The following EPB41L3 variants were observed in gnomAD, a reference collection of about 807,000 sequenced individuals.
The protein encoded by EPB41L3 is band 4.1-like protein 3.
Under a neutral mutation model 127.1 loss-of-function variants are expected in EPB41L3, and 57 were observed. That is an observed-to-expected ratio of 0.45 (90% CI 0.36 to 0.56). EPB41L3 has a LOEUF of 0.56. Among genes scored for constraint, EPB41L3 ranks in the 20% least tolerant of loss-of-function variants. The pLI is 0.00. For synonymous variants in EPB41L3, 572 were observed against 549.5 expected, an observed-to-expected ratio of 1.04 and a Z score of -0.57; for missense variants, 1,273 against 1,372.2, an observed-to-expected ratio of 0.93 and a Z score of 1.14.
At chr18:5,501,070 C>A (rs1336058566) in intron 1 of EPB41L3, among the ~76,000 whole-genome samples, 2 of 151,816 alleles carry the variant, frequency 1.3e-5, no homozygotes, top group African/African-American at 4.8e-5. Flanking sequence ...TAAAGGAGTG[C>A]CAGGAGGTGA....
chr18:5,445,115 T>C (rs1168430051), intron 4 of EPB41L3, 25 bp downstream of exon 4: 1 of 1,585,338 alleles, frequency 6.3e-7, no homozygotes, highest in Admixed American at 1.7e-5. Context: ...AGCCATCTTA[T>C]TTTGCATTGC....
intron 3 of EPB41L3, among the ~76,000 whole-genome samples, chr18:5,453,051 G>A (rs2082510454): frequency 6.6e-6 from 1 of 152,156 alleles, no homozygotes; most frequent in South Asian, 2.1e-4. Context: ...AATGGGCATT[G>A]CCTCCATTCC....
chr18:5,433,730 C>G (rs2079326523), intron 7 of EPB41L3, among the ~76,000 whole-genome samples, 173 bp downstream of exon 7: 1 of 152,142 alleles, frequency 6.6e-6, no homozygotes, highest in Admixed American at 6.6e-5. Flanking sequence ...AAACGAACAC[C>G]TGGATGCTCT....
At chr18:5,598,973 T>C (rs2094562887) in intron 3 of EPB41L3, among the ~76,000 whole-genome samples, 2 of 152,162 alleles carry the variant, frequency 1.3e-5, no homozygotes, top group Admixed American at 1.3e-4. Flanking sequence ...AGTGATTAAC[T>C]GGAGAAGGAA....
At chr18:5,434,182 C>A (rs185435828) in intron 6 of EPB41L3, 61 bp from the exon 7 acceptor site, 1 of 1,429,770 alleles carries the variant, frequency 7.0e-7, no homozygotes, top group South Asian at 1.2e-5. Context: ...AAAAGGAGGT[C>A]GCTTGGTAAA....
chr18:5,498,678 G>C (rs1368115094), intron 1 of EPB41L3, among the ~76,000 whole-genome samples: 1 of 150,630 alleles, frequency 6.6e-6, no homozygotes, highest in Non-Finnish European at 1.5e-5. Flanking sequence ...CAGCATCCTT[G>C]AGGTTTTAAG....
At chr18:5,596,650 C>T (rs977257139) in intron 3 of EPB41L3, among the ~76,000 whole-genome samples, 1 of 152,158 alleles carries the variant, frequency 6.6e-6, no homozygotes, top group African/African-American at 2.4e-5. Context: ...GGCTGCTCAT[C>T]CCAAGCAAAG....
At position 5,405,122 on chromosome 18, in the gene EPB41L3, C is replaced by T. The variant is rs560331308; in HGVS notation, c.2349+1655G>A. Among the ~76,000 whole-genome samples, 15 of 152,308 alleles carry T rather than the reference C, an allele frequency of 9.8e-5. No homozygotes were observed. The South Asian group carries it at 3.1e-3, about 32-fold the overall frequency. On this transcript the variant is annotated intron_variant, in intron 16 of 22. Transcript: ENST00000341928. The stretch of plus-strand genomic sequence containing the variant: ...TAGCTAGGTTTGGGATTGTCATGAA[C>T]ATAGTGATAATGAGTTCTTGATTAC...
chr18:5,429,941 G>GT (rs1191690715), intron 8 of EPB41L3, among the ~76,000 whole-genome samples: 13 of 152,190 alleles, frequency 8.5e-5, no homozygotes, highest in Non-Finnish European at 1.3e-4. Flanking sequence ...CATCGGCAGA[G>GT]TGCAGGAACG....
intron 18 of EPB41L3, 66 bp downstream of exon 18, chr18:5,396,992 C>G: frequency 6.7e-7 from 1 of 1,489,374 alleles, no homozygotes; most frequent in Non-Finnish European, 9.0e-7. Context: ...TTATGCTGAT[C>G]TAAATTTCCA....
chr18:5,461,529 GT>G (rs2084002778), intron 3 of EPB41L3, among the ~76,000 whole-genome samples: 2 of 152,184 alleles, frequency 1.3e-5, no homozygotes, highest in South Asian at 4.1e-4. Context: ...AAGATATCTT[GT>G]TTATTGACAA....
At chr18:5,440,391 T>C (rs1349520856) in intron 5 of EPB41L3, among the ~76,000 whole-genome samples, 1 of 151,994 alleles carries the variant, frequency 6.6e-6, no homozygotes, top group Non-Finnish European at 1.5e-5. Flanking sequence ...GGCATAACAC[T>C]AGAAATTAAG....
Position 5,591,175 on chromosome 18 carries a change from C to T in EPB41L3, c.-306+21165G>A, listed in dbSNP as rs539630391. Among the ~76,000 whole-genome samples, 31 of 152,296 alleles carry T rather than the reference C, an allele frequency of 2.0e-4. No homozygotes were observed. In the South Asian group the frequency reaches 2.1e-3, roughly 10 times the overall value. ...TATCTTCTCTCTACTCTTTTCCATT[C>T]GTAAATATTCATGGAATCTGCACAC... On this transcript the variant is annotated intron_variant, in intron 3 of 21. Coordinates refer to the EPB41L3 transcript ENST00000545076.
In EPB41L3 at chr18:5,393,378, G is replaced by A. The variant is rs893912475; in HGVS notation, c.*107C>T. On this transcript the variant is annotated 3_prime_UTR_variant, in exon 23 of 23. Coordinates refer to ENST00000341928, the MANE Select transcript of EPB41L3 (RefSeq NM_012307.5). ...ATTCTTCTGGACTGAAATTTTCCACGGACAGATACAAGTCAGTTGGGTTAG... is the reference window on the plus strand; with the variant it reads ...ATTCTTCTGGACTGAAATTTTCCACAGACAGATACAAGTCAGTTGGGTTAG... 5 of 617,958 alleles carry A rather than the reference G, an allele frequency of 8.1e-6. No individual in the cohort carries two copies. The highest frequency in any genetic ancestry group is 5.9e-5 in the East Asian group (2 of 33,726). 38.3% of individuals were successfully genotyped at this position (617,958 alleles called of 1,614,324 possible). A position where few individuals can be genotyped will look rare whatever the true frequency, so the allele number is the denominator to read the frequency against.
chr18:5,535,164 A>C (rs1334181278), intron 1 of EPB41L3, among the ~76,000 whole-genome samples: 1 of 152,132 alleles, frequency 6.6e-6, no homozygotes, highest in African/African-American at 2.4e-5. Context: ...GAAGTGGAAC[A>C]GTTTCTTCCT....
At chr18:5,402,170 A>C (rs1168018353) in intron 16 of EPB41L3, among the ~76,000 whole-genome samples, 1 of 150,930 alleles carries the variant, frequency 6.6e-6, no homozygotes, top group Non-Finnish European at 1.5e-5. Context: ...AGAGGAGGAA[A>C]AAAAAAAACC....
At chr18:5,582,083 G>A (rs1209475250) in intron 3 of EPB41L3, among the ~76,000 whole-genome samples, 4 of 152,322 alleles carry the variant, frequency 2.6e-5, no homozygotes, top group South Asian at 2.1e-4. Flanking sequence ...GGGATGTTCC[G>A]TTTTACATCG....
intron 6 of EPB41L3, among the ~76,000 whole-genome samples, chr18:5,435,682 T>C (rs985926102): frequency 1.8e-4 from 27 of 152,328 alleles, no homozygotes; most frequent in African/African-American, 5.1e-4. Context: ...TGTATCCGCA[T>C]TGTTAAGTGA....
chr18:5,521,101 A>G (rs1339451792), intron 1 of EPB41L3, among the ~76,000 whole-genome samples: 3 of 152,244 alleles, frequency 2.0e-5, no homozygotes, highest in Non-Finnish European at 2.9e-5. Context: ...TTAACTACAC[A>G]GAGAACCATC....
Sources: allele counts gnomAD v4.1 joint callset (sites outside exome capture counted in the v4.1 genomes callset), GRCh38; gene constraint gnomAD v4.1.1; transcripts MANE v1.5; gene names NCBI Gene and HGNC (gene_info 2026-07-23, HGNC 2026-07-21).